The following NKAIN2 variants were observed in gnomAD, a reference collection of about 807,000 sequenced individuals.
NKAIN2 encodes sodium/potassium-transporting ATPase subunit beta-1-interacting protein 2.
Under a neutral mutation model 32.6 loss-of-function variants are expected in NKAIN2, and 14 were observed. The observed-to-expected ratio is 0.43, with a 90% CI of 0.28 to 0.67. NKAIN2 has a LOEUF of 0.67. NKAIN2 is among the 30% of genes least tolerant of loss of function. NKAIN2 has a pLI of 0.17. For synonymous variants in NKAIN2, 80 were observed against 87.2 expected (o/e 0.92, Z 0.46); for missense variants, 198 against 258.3 (o/e 0.77, Z 1.60).
chr6:124,253,505 C>T (rs1793779800), intron 1 of NKAIN2, among the ~76,000 whole-genome samples: 1 of 152,150 alleles, frequency 6.6e-6, no homozygotes, highest in South Asian at 2.1e-4. Context: ...AAATAAAGCA[C>T]ATCTAGGGCA....
intron 1 of NKAIN2, among the ~76,000 whole-genome samples, chr6:123,944,510 T>C (rs565657007): frequency 6.6e-6 from 1 of 152,202 alleles, no homozygotes; most frequent in Admixed American, 6.6e-5. Flanking sequence ...CATGTGCTCG[T>C]GTTTGGAAAT....
chr6:124,486,184 G>C (rs6916565), intron 3 of NKAIN2, among the ~76,000 whole-genome samples: 49,434 of 152,028 alleles, frequency 0.33, 8,792 homozygotes, highest in South Asian at 0.45. Context: ...AGAATGCTGT[G>C]TTTTTTCTAA....
At chr6:123,823,781 C>CA (rs1410393248) in intron 1 of NKAIN2, among the ~76,000 whole-genome samples, 1 of 151,954 alleles carries the variant, frequency 6.6e-6, no homozygotes, top group Non-Finnish European at 1.5e-5. Context: ...GAGGAAGGAG[C>CA]AAACCAGAAG....
At chr6:124,131,728 G>GTC (rs1440328669) in intron 1 of NKAIN2, among the ~76,000 whole-genome samples, 1 of 152,118 alleles carries the variant, frequency 6.6e-6, no homozygotes, top group African/African-American at 2.4e-5. Flanking sequence ...GGCACTCCTA[G>GTC]TCTCCAGCTT....
chr6:124,790,042 C>T (rs1272213543), intron 4 of NKAIN2, among the ~76,000 whole-genome samples: 9 of 152,046 alleles, frequency 5.9e-5, no homozygotes. Flanking sequence ...TCAACTCTGC[C>T]TCCCCAGTGT....
At chr6:123,935,540 G>C (rs1004514871) in intron 1 of NKAIN2, among the ~76,000 whole-genome samples, 1 of 148,278 alleles carries the variant, frequency 6.7e-6, no homozygotes, top group African/African-American at 2.6e-5. Flanking sequence ...AATGTGTTAA[G>C]TTTAAGAGTG....
chr6:123,816,509 A>G (rs770428759), intron 1 of NKAIN2, among the ~76,000 whole-genome samples: 1 of 152,156 alleles, frequency 6.6e-6, no homozygotes, highest in Non-Finnish European at 1.5e-5. Context: ...AGCATTTGTA[A>G]GAGAACCAAT....
chr6:124,183,069 A>G (rs574376137), intron 1 of NKAIN2, among the ~76,000 whole-genome samples: 149 of 152,254 alleles, frequency 9.8e-4, no homozygotes, highest in African/African-American at 3.5e-3. Flanking sequence ...AGCTTTATCT[A>G]CTTTTAAAAA....
intron 1 of NKAIN2, among the ~76,000 whole-genome samples, chr6:124,081,829 A>G (rs1783979330): frequency 1.3e-5 from 2 of 152,102 alleles, no homozygotes; most frequent in South Asian, 2.1e-4. Flanking sequence ...AAAAGAGGCC[A>G]AAAGTATTAA....
chr6:123,901,030 C>T (rs188842123), intron 1 of NKAIN2, among the ~76,000 whole-genome samples: 31 of 152,272 alleles, frequency 2.0e-4, no homozygotes, highest in East Asian at 1.9e-3. Flanking sequence ...ATTCCATTGT[C>T]CTCTGACCCA....
At chr6:123,993,224 CATTGTT>C (rs1779486311) in intron 1 of NKAIN2, among the ~76,000 whole-genome samples, 1 of 152,020 alleles carries the variant, frequency 6.6e-6, no homozygotes, top group Non-Finnish European at 1.5e-5. Flanking sequence ...CATTTATTGT[CATTGTT>C]ATAAGTGCTA....
chr6:124,061,923 G>T (rs1782933762), intron 1 of NKAIN2, among the ~76,000 whole-genome samples: 1 of 152,100 alleles, frequency 6.6e-6, no homozygotes, highest in Non-Finnish European at 1.5e-5. Context: ...GCAAAGTAGA[G>T]CTAGAGATAA....
intron 4 of NKAIN2, among the ~76,000 whole-genome samples, chr6:124,772,829 G>T (rs929094405): frequency 1.3e-5 from 2 of 152,194 alleles, no homozygotes; most frequent in African/African-American, 4.8e-5. Context: ...GGAAGGATGG[G>T]AGAGGAGCAA....
chr6:124,436,295 C>G (rs752364847), intron 3 of NKAIN2, among the ~76,000 whole-genome samples: 9 of 152,222 alleles, frequency 5.9e-5, no homozygotes, highest in Non-Finnish European at 1.3e-4. Flanking sequence ...AGCTCAGATG[C>G]CTTTCTCAGC....
At chr6:124,098,906 A>T (rs1350674697) in intron 1 of NKAIN2, among the ~76,000 whole-genome samples, 2 of 151,876 alleles carry the variant, frequency 1.3e-5, no homozygotes, top group East Asian at 3.9e-4. Context: ...TTAAATAACA[A>T]AGTGTGTTTT....
intron 2 of NKAIN2, among the ~76,000 whole-genome samples, chr6:124,352,528 C>T (rs1165189184): frequency 6.6e-6 from 1 of 152,158 alleles, no homozygotes; most frequent in Non-Finnish European, 1.5e-5. Context: ...AGAATGCTTG[C>T]CGACGACAAA....
intron 4 of NKAIN2, among the ~76,000 whole-genome samples, chr6:124,767,391 T>C (rs1763149046): frequency 6.6e-6 from 1 of 152,184 alleles, no homozygotes; most frequent in Non-Finnish European, 1.5e-5. Flanking sequence ...GGTTTTCTGC[T>C]TTATGAAAGT....
rs1582556009 is a variant in NKAIN2, at chr6:123,804,344, T to G, written c.54+90T>G. On this transcript the variant is annotated intron_variant, in intron 1 of 6. Coordinates refer to ENST00000368417, the MANE Select transcript of NKAIN2 (RefSeq NM_001040214.3). ...GCAAAGGGTCTGCCATTGACTAGAA[T>G]GGACGAAAAAGATAAAAGAGAAGGT... 8 of 1,101,882 alleles carry G rather than the reference T, an allele frequency of 7.3e-6. No individual in the cohort carries two copies. The East Asian group carries it at 1.9e-4, about 26-fold the overall frequency. The allele number at this position is 1,101,882 out of a possible 1,614,324, so 68.3% of individuals were successfully genotyped here. A position where few individuals can be genotyped will look rare whatever the true frequency, so the allele number is the denominator to read the frequency against.
At chr6:123,963,771 C>T (rs1777955729) in intron 1 of NKAIN2, among the ~76,000 whole-genome samples, 1 of 152,162 alleles carries the variant, frequency 6.6e-6, no homozygotes, top group Admixed American at 6.5e-5. Context: ...CGAGAACACA[C>T]TCAATATTGT....
Sources: allele counts gnomAD v4.1 joint callset (sites outside exome capture counted in the v4.1 genomes callset), GRCh38; gene constraint gnomAD v4.1.1; transcripts MANE v1.5; gene names NCBI Gene and HGNC (gene_info 2026-07-23, HGNC 2026-07-21).